GRID2: variants seen among roughly 807,000 people sequenced by gnomAD.
The protein encoded by GRID2 is glutamate receptor ionotropic, delta-2.
Under a neutral mutation model 114.8 loss-of-function variants are expected in GRID2, and 33 were observed. The ratio of observed to expected loss-of-function variants is 0.29; its 90% CI spans 0.22 to 0.38. The LOEUF is 0.38. Among genes scored for constraint, GRID2 ranks in the 10% least tolerant of loss-of-function variants. The pLI is 1.00. For missense variants in GRID2, 1,184 were observed against 1,257.7 expected, an observed-to-expected ratio of 0.94 and a Z score of 0.89; for synonymous variants, 505 against 449.9, an observed-to-expected ratio of 1.12 and a Z score of -1.55.
intron 11 of GRID2, among the ~76,000 whole-genome samples, chr4:93,486,875 C>G (rs147674235): frequency 8.2e-4 from 125 of 151,744 alleles, no homozygotes; most frequent in African/African-American, 3.0e-3. Flanking sequence ...TTGCTTTTTT[C>G]TAACTTCATG....
intron 14 of GRID2, among the ~76,000 whole-genome samples, chr4:93,682,562 A>G (rs1725669793): frequency 6.6e-6 from 1 of 152,166 alleles, no homozygotes; most frequent in Admixed American, 6.5e-5. Flanking sequence ...CTGGATTAAG[A>G]AAATGTGGGA....
rs185853018 is a variant in GRID2, at chr4:93,045,772, C to T, written c.245-39223C>T. On this transcript the variant is annotated intron_variant, in intron 2 of 15. Coordinates refer to ENST00000282020, the MANE Select transcript of GRID2 (RefSeq NM_001510.4). ...GATTTCTGCCTACCAATTGATAATA[C>T]GAAACTTTATTCTCTCACACTTACT... Among the ~76,000 whole-genome samples the T allele has an allele frequency of 6.9e-4, 105 of 152,164 alleles. 1 individual carries two copies. Among genetic ancestry groups the T allele is most frequent in the African/African-American group, 2.4e-3 (98 of 41,546 alleles).
intron 8 of GRID2, among the ~76,000 whole-genome samples, chr4:93,322,891 T>A (rs1757392002): frequency 6.6e-6 from 1 of 152,052 alleles, no homozygotes; most frequent in Non-Finnish European, 1.5e-5. Flanking sequence ...TTTAATGGGG[T>A]TGTTTGTTTT....
chr4:93,043,007 A>T (rs535757778), intron 2 of GRID2, among the ~76,000 whole-genome samples: 1 of 152,172 alleles, frequency 6.6e-6, no homozygotes, highest in South Asian at 2.1e-4. Context: ...GAAAAAAGAA[A>T]CAATAGTTTG....
intron 2 of GRID2, among the ~76,000 whole-genome samples, chr4:92,811,000 C>T (rs754664585): frequency 6.6e-6 from 1 of 152,072 alleles, no homozygotes; most frequent in South Asian, 2.1e-4. Flanking sequence ...CCAGGTTGGT[C>T]TCAAACTCCT....
intron 2 of GRID2, among the ~76,000 whole-genome samples, chr4:92,613,074 T>C (rs1217872473): frequency 6.6e-6 from 1 of 151,420 alleles, no homozygotes; most frequent in Non-Finnish European, 1.5e-5. Flanking sequence ...AAAGATGCTA[T>C]TTATCATGTT....
intron 14 of GRID2, among the ~76,000 whole-genome samples, chr4:93,727,910 A>G (rs1730091099): frequency 6.6e-6 from 1 of 151,980 alleles, no homozygotes; most frequent in Non-Finnish European, 1.5e-5. Flanking sequence ...CAGTCTATCA[A>G]TTTTGTTGAT....
chr4:93,226,287 G>A (rs545640778), intron 7 of GRID2, among the ~76,000 whole-genome samples: 2 of 152,242 alleles, frequency 1.3e-5, no homozygotes, highest in African/African-American at 4.8e-5. Context: ...GATTCATCAT[G>A]ACGCAAATTT....
intron 4 of GRID2, among the ~76,000 whole-genome samples, chr4:93,196,921 A>ATG (rs1333707359): frequency 6.6e-6 from 1 of 152,076 alleles, no homozygotes; most frequent in Non-Finnish European, 1.5e-5. Flanking sequence ...ATGTGACTGT[A>ATG]TGTGTGTGTG....
At chr4:93,072,092 A>C (rs559283475) in intron 2 of GRID2, among the ~76,000 whole-genome samples, 1 of 152,178 alleles carries the variant, frequency 6.6e-6, no homozygotes, top group Non-Finnish European at 1.5e-5. Context: ...AGGAATAATC[A>C]AGGAGCAAAC....
intron 1 of GRID2, among the ~76,000 whole-genome samples, chr4:92,525,952 T>C (rs919645861): frequency 2.6e-5 from 4 of 152,060 alleles, no homozygotes; most frequent in South Asian, 2.1e-4. Flanking sequence ...ATAGAAGTGA[T>C]AAGTTTTCAC....
chr4:92,947,924 A>C (rs1054878728), intron 2 of GRID2, among the ~76,000 whole-genome samples: 1 of 151,926 alleles, frequency 6.6e-6, no homozygotes, highest in African/African-American at 2.4e-5. Flanking sequence ...ATCATTTTAC[A>C]TTATACTATC....
chr4:92,925,726 G>T (rs890706051), intron 2 of GRID2, among the ~76,000 whole-genome samples: 2 of 151,908 alleles, frequency 1.3e-5, no homozygotes, highest in East Asian at 1.9e-4. Context: ...TCACTTGAAA[G>T]GTACCCAAAG....
At chr4:92,948,051 A>G (rs977474877) in intron 2 of GRID2, among the ~76,000 whole-genome samples, 2 of 151,870 alleles carry the variant, frequency 1.3e-5, no homozygotes, top group African/African-American at 2.4e-5. Context: ...TTTGTTTTCT[A>G]AGAGGGAAAT....
chr4:93,612,920 T>A (rs1741122302), intron 13 of GRID2, among the ~76,000 whole-genome samples: 1 of 146,784 alleles, frequency 6.8e-6, no homozygotes, highest in East Asian at 2.0e-4. Context: ...CCAACTTGGT[T>A]CCATTCTCCA....
chr4:92,620,621 A>C (rs1354388241), intron 2 of GRID2, among the ~76,000 whole-genome samples: 1 of 151,768 alleles, frequency 6.6e-6, no homozygotes, highest in Admixed American at 6.6e-5. Context: ...TGTTACTATA[A>C]TTAGATATAG....
chr4:92,346,938 A>C (rs528333715), intron 1 of GRID2, among the ~76,000 whole-genome samples: 2 of 152,246 alleles, frequency 1.3e-5, no homozygotes, highest in South Asian at 2.1e-4. Context: ...CTGTCTCTCT[A>C]TCTATCTCAT....
chr4:93,378,727 T>C (rs1454727713), intron 8 of GRID2, among the ~76,000 whole-genome samples: 1 of 152,134 alleles, frequency 6.6e-6, no homozygotes, highest in Non-Finnish European at 1.5e-5. Context: ...TTTTCTGATA[T>C]TGCCCAAGTG....
chr4:92,414,412 A>T (rs566084868), intron 1 of GRID2, among the ~76,000 whole-genome samples: 2 of 152,212 alleles, frequency 1.3e-5, no homozygotes, highest in Non-Finnish European at 2.9e-5. Flanking sequence ...ATACATGGTG[A>T]TATTAATGCA....
Sources: gnomAD v4.1 joint callset for allele counts (sites outside exome capture counted in the v4.1 genomes callset) on GRCh38, gnomAD v4.1.1 for gene constraint, MANE v1.5 for transcripts, NCBI Gene and HGNC (gene_info 2026-07-23, HGNC 2026-07-21) for gene names.